Variants in TGM7 observed in about 807,000 individuals in gnomAD.
TGM7 encodes the protein transglutaminase 7.
In TGM7, 74 loss-of-function variants were observed where a neutral mutation model predicts 79.5. That is an observed-to-expected ratio of 0.93 (90% CI 0.77 to 1.13). The LOEUF is 1.13. Among genes scored for constraint, TGM7 ranks in the 50% most tolerant of loss-of-function variants. The pLI is 0.00. For synonymous variants in TGM7, 354 were observed against 362.5 expected, an observed-to-expected ratio of 0.98 and a Z score of 0.27; for missense variants, 912 against 905.9, an observed-to-expected ratio of 1.01 and a Z score of -0.09.
At chr15:43,300,368 A>T (rs1224341632) in intron 1 of TGM7, among the ~76,000 whole-genome samples, 2 of 152,228 alleles carry the variant, frequency 1.3e-5, no homozygotes, top group Non-Finnish European at 2.9e-5. Flanking sequence ...TCACCTACTT[A>T]ATTAAGTGGC....
At chr15:43,284,103 G>A (rs1474689488) in intron 7 of TGM7, among the ~76,000 whole-genome samples, 1 of 152,190 alleles carries the variant, frequency 6.6e-6, no homozygotes, top group Admixed American at 6.5e-5. Flanking sequence ...GGGGGCTGAG[G>A]CAGGAGAATT....
At chr15:43,279,084 G>A in intron 11 of TGM7, 33 bp downstream of exon 11, 2 of 1,592,148 alleles carry the variant, frequency 1.3e-6, no homozygotes, top group South Asian at 2.3e-5. Flanking sequence ...GAGTCAGAGA[G>A]CCTCAGAGCC....
chr15:43,300,616 G>A (rs1596467050), intron 1 of TGM7, among the ~76,000 whole-genome samples: 2 of 152,144 alleles, frequency 1.3e-5, no homozygotes, highest in African/African-American at 2.4e-5. Flanking sequence ...CCTGGCCAAC[G>A]TAGTGAAACC....
chr15:43,289,589 T>C (rs993621771), intron 4 of TGM7, among the ~76,000 whole-genome samples: 17 of 152,218 alleles, frequency 1.1e-4, no homozygotes, highest in African/African-American at 4.1e-4. Flanking sequence ...AGTAATAAGA[T>C]TGCTGGGTCA....
At chr15:43,291,296 C>T (rs1185507649) in intron 4 of TGM7, among the ~76,000 whole-genome samples, 1 of 152,082 alleles carries the variant, frequency 6.6e-6, no homozygotes. Context: ...TTGTCAAAGG[C>T]CTTTTCTGCA....
At chr15:43,296,013 G>A (rs992283244) in intron 1 of TGM7, among the ~76,000 whole-genome samples, 5 of 152,262 alleles carry the variant, frequency 3.3e-5, no homozygotes, top group Admixed American at 6.5e-5. Flanking sequence ...TTTAGAGAGA[G>A]GTAGCCTGTA....
At chr15:43,287,204 G>T in intron 6 of TGM7, 76 bp downstream of exon 6, 1 of 1,513,916 alleles carries the variant, frequency 6.6e-7, no homozygotes. Context: ...GCAAGCTACT[G>T]AACCTTTATG....
At chr15:43,295,833 T>C (rs1474791189) in intron 1 of TGM7, among the ~76,000 whole-genome samples, 4 of 152,238 alleles carry the variant, frequency 2.6e-5, no homozygotes, top group Non-Finnish European at 4.4e-5. Context: ...GGTGAATTAC[T>C]GGATCAATTG....
intron 2 of TGM7, 30 bp from the exon 3 acceptor site, chr15:43,292,984 G>T: frequency 6.2e-7 from 1 of 1,607,076 alleles, no homozygotes; most frequent in Non-Finnish European, 8.5e-7. Context: ...CCCACAGTGA[G>T]GCTCAAAAAA....
chr15:43,294,739 CATTTGGCA>C (rs2042984137), intron 1 of TGM7, among the ~76,000 whole-genome samples: 1 of 152,178 alleles, frequency 6.6e-6, no homozygotes, highest in South Asian at 2.1e-4. Flanking sequence ...CCCTGGAGGA[CATTTGGCA>C]ATGTCTGAAG....
Position 43,276,390 on chromosome 15 carries a change from T to C in TGM7, c.*65A>G. 6 of 1,549,962 alleles carry C rather than the reference T, an allele frequency of 3.9e-6. No individual in the cohort carries two copies. The highest frequency in any genetic ancestry group is 1.9e-5 in the Admixed American group (1 of 51,890). ...GGACAGAGGTGGAGCCAAGACGACA[T>C]AGCCAGGAGTAGAAAGGAGCCAGGT... On this transcript the variant is annotated 3_prime_UTR_variant, in exon 13 of 13. Coordinates refer to ENST00000452443, the MANE Select transcript of TGM7 (RefSeq NM_052955.3).
At chr15:43,291,018 C>A (rs1194363784) in intron 4 of TGM7, among the ~76,000 whole-genome samples, 3 of 152,252 alleles carry the variant, frequency 2.0e-5, no homozygotes, top group East Asian at 1.9e-4. Flanking sequence ...AACAGGGACA[C>A]TTTGACTTCC....
intron 6 of TGM7, 28 bp downstream of exon 6, chr15:43,287,252 A>C (rs1269178731): frequency 6.2e-7 from 1 of 1,601,882 alleles, no homozygotes; most frequent in South Asian, 1.1e-5. Context: ...AGTTAATCAC[A>C]CCCCTAAGTG....
At chr15:43,290,326 T>A (rs1188058485) in intron 4 of TGM7, among the ~76,000 whole-genome samples, 3 of 152,252 alleles carry the variant, frequency 2.0e-5, no homozygotes, top group Non-Finnish European at 4.4e-5. Context: ...TAGGGAATCC[T>A]TTCCCCATTT....
intron 6 of TGM7, among the ~76,000 whole-genome samples, chr15:43,285,592 A>C (rs945367495): frequency 5.3e-5 from 8 of 152,142 alleles, no homozygotes; most frequent in Non-Finnish European, 7.4e-5. Context: ...GGGATCTGTA[A>C]TTCTACTTAA....
At chr15:43,300,061 C>T (rs971939315) in intron 1 of TGM7, among the ~76,000 whole-genome samples, 6 of 152,208 alleles carry the variant, frequency 3.9e-5, no homozygotes, top group Non-Finnish European at 8.8e-5. Flanking sequence ...ATACTCATAT[C>T]TACCTCTGAC....
chr15:43,282,132 T>C (rs748901505), intron 8 of TGM7, 46 bp from the exon 9 acceptor site: 4 of 1,603,242 alleles, frequency 2.5e-6, no homozygotes, highest in East Asian at 2.2e-5. Context: ...GGGCAGCTGG[T>C]TGTGGCTGTG....
chr15:43,300,529 C>A (rs978780384), intron 1 of TGM7, among the ~76,000 whole-genome samples: 8 of 152,284 alleles, frequency 5.3e-5, no homozygotes, highest in African/African-American at 1.9e-4. Context: ...AGGCCGGGCG[C>A]GGTGGCTCAC....
chr15:43,283,978 C>T (rs984700809), intron 7 of TGM7, among the ~76,000 whole-genome samples: 1 of 152,080 alleles, frequency 6.6e-6, no homozygotes, highest in Non-Finnish European at 1.5e-5. Flanking sequence ...GAGGCCGAGG[C>T]GAGTGGATCA....
Sources: gnomAD v4.1 joint callset for allele counts (sites outside exome capture counted in the v4.1 genomes callset) on GRCh38, gnomAD v4.1.1 for gene constraint, MANE v1.5 for transcripts, NCBI Gene and HGNC (gene_info 2026-07-23, HGNC 2026-07-21) for gene names.